SH3PXD2A: variants seen among roughly 807,000 people sequenced by gnomAD.
SH3PXD2A encodes the protein SH3 and PX domain-containing protein 2A.
In SH3PXD2A, 32 loss-of-function variants were observed where a neutral mutation model predicts 115.2. The ratio of observed to expected loss-of-function variants is 0.28; its 90% confidence interval spans 0.21 to 0.37. SH3PXD2A has a LOEUF of 0.37. Among genes scored for constraint, SH3PXD2A ranks in the 10% least tolerant of loss-of-function variants. SH3PXD2A has a pLI of 1.00. For missense variants in SH3PXD2A, 1,328 were observed against 1,498.7 expected (o/e 0.89, Z 1.88); for synonymous variants, 610 against 629.1 (o/e 0.97, Z 0.45).
At chr10:103,663,970 G>A (rs1367699950) in intron 7 of SH3PXD2A, among the ~76,000 whole-genome samples, 14 of 152,188 alleles carry the variant, frequency 9.2e-5, no homozygotes, top group Non-Finnish European at 2.9e-5. Context: ...ACCAACAGCC[G>A]GGCAGTAGGG....
chr10:103,606,973 G>C (rs1447486976), intron 13 of SH3PXD2A, among the ~76,000 whole-genome samples: 5 of 151,810 alleles, frequency 3.3e-5, no homozygotes, highest in African/African-American at 1.2e-4. Flanking sequence ...GGGATGTGAG[G>C]AGCCCCTCTG....
At chr10:103,743,390 C>T (rs2038465111) in intron 3 of SH3PXD2A, among the ~76,000 whole-genome samples, 1 of 152,200 alleles carries the variant, frequency 6.6e-6, no homozygotes, top group Non-Finnish European at 1.5e-5. Flanking sequence ...CAGACTGGGA[C>T]TCTTTTTTTG....
At chr10:103,684,558 T>C (rs1472954833) in intron 6 of SH3PXD2A, among the ~76,000 whole-genome samples, 1 of 151,784 alleles carries the variant, frequency 6.6e-6, no homozygotes, top group Admixed American at 6.6e-5. Context: ...CGAGGTTTCA[T>C]CATGTCGGTC....
At chr10:103,783,883 G>A (rs549860650) in intron 2 of SH3PXD2A, among the ~76,000 whole-genome samples, 11 of 152,342 alleles carry the variant, frequency 7.2e-5, no homozygotes, top group African/African-American at 2.6e-4. Context: ...GCAGTGAGGC[G>A]AGCCGCCCGG....
chr10:103,601,593 C>T lies in SH3PXD2A; in HGVS notation c.*223G>A, dbSNP rs2036214867. ...GGTCCCAGGCCTGGGACTCCCTGGT[C>T]CATTCCCTTCCTCACTCAGTGTGGG... On this transcript the variant is annotated 3_prime_UTR_variant, in exon 15 of 15. Coordinates refer to ENST00000369774, the MANE Select transcript of SH3PXD2A (RefSeq NM_001394015.1). 1 of 488,872 alleles carries T rather than the reference C, an allele frequency of 2.0e-6. No individual in the cohort carries two copies. The highest frequency in any genetic ancestry group is 3.6e-6 in the Non-Finnish European group (1 of 274,214). 30.3% of individuals were successfully genotyped at this position (488,872 alleles called of 1,614,324 possible). A position where few individuals can be genotyped will look rare whatever the true frequency, so the allele number is the denominator to read the frequency against.
chr10:103,833,469 A>ATATATTTATATCTATATATT (rs2134306702), intron 1 of SH3PXD2A, among the ~76,000 whole-genome samples: 2 of 151,434 alleles, frequency 1.3e-5, no homozygotes, highest in East Asian at 3.9e-4. Flanking sequence ...ACATATATAT[A>ATATATTTATATCTATATATT]TATATTTATA....
intron 7 of SH3PXD2A, among the ~76,000 whole-genome samples, chr10:103,668,384 C>G (rs74154584): frequency 6.6e-6 from 1 of 152,264 alleles, no homozygotes; most frequent in African/African-American, 2.4e-5. Flanking sequence ...CCAGAGCACA[C>G]GTGCTTACAC....
intron 3 of SH3PXD2A, among the ~76,000 whole-genome samples, chr10:103,763,409 C>T (rs56178332): frequency 6.6e-6 from 1 of 152,186 alleles, no homozygotes; most frequent in Non-Finnish European, 1.5e-5. Context: ...TCTGCTTCCA[C>T]CCCTTGGGAT....
intron 3 of SH3PXD2A, among the ~76,000 whole-genome samples, chr10:103,752,931 G>A (rs975143619): frequency 1.3e-5 from 2 of 152,112 alleles, no homozygotes; most frequent in South Asian, 4.1e-4. Context: ...TAAGTGAAAG[G>A]TGACTGAGAA....
intron 7 of SH3PXD2A, chr10:103,661,587 A>G (rs1771542549): frequency 5.5e-6 from 5 of 914,408 alleles, no homozygotes; most frequent in Non-Finnish European, 6.5e-6. Context: ...GCCAGAGGCA[A>G]AGGAAAGGCA....
intron 8 of SH3PXD2A, among the ~76,000 whole-genome samples, chr10:103,639,473 G>A (rs1401044457): frequency 1.3e-5 from 2 of 152,088 alleles, no homozygotes; most frequent in African/African-American, 4.8e-5. Flanking sequence ...AGCTGGGCAT[G>A]GTGGCGTGTG....
In SH3PXD2A at chr10:103,594,551, A is replaced by G. The variant is rs1218367892; in HGVS notation, c.*7265T>C. 6.6e-6 allele frequency: 1 copy of G among 152,254 alleles called. No individual in the cohort carries two copies. Among genetic ancestry groups the G allele is most frequent in the Admixed American group, 6.5e-5 (1 of 15,276 alleles). The allele number at this position is 152,254 out of a possible 1,614,324, so 9.4% of individuals were successfully genotyped here. On this transcript the variant is annotated 3_prime_UTR_variant, in exon 15 of 15. Transcript: ENST00000369774. The stretch of plus-strand genomic sequence containing the variant: ...CAGTCCACATGCTCACGCTTCAGGG[A>G]TTACTGAAGTCTGCCTTGCCCGGGA...
At chr10:103,708,503 A>G (rs2038008517) in intron 5 of SH3PXD2A, among the ~76,000 whole-genome samples, 1 of 152,116 alleles carries the variant, frequency 6.6e-6, no homozygotes, top group African/African-American at 2.4e-5. Context: ...ATGTCTGGGG[A>G]TGGCCTGGAG....
Position 103,601,935 on chromosome 10 carries a change from C to T in SH3PXD2A, c.3283G>A (p.Gly1095Arg). ...CTCTCCAGAACCTCCATGGACACCC[C>T]CTCCTGGAAGCCTGCTGTCTCCTCA... ...GDEETAGFQE[G>R]VSMEVLERNP... is the part of the protein sequence containing the mutation. The change falls in exon 15 of 15, where the codon GGG becomes AGG. Residue 1095 changes from glycine to arginine, a missense_variant. By Grantham distance (125) the Gly-to-Arg change is moderately radical. Coordinates refer to ENST00000369774, the MANE Select transcript of SH3PXD2A (RefSeq NM_001394015.1). 6.2e-7 allele frequency: 1 copy of T among 1,614,096 alleles called. No homozygotes were observed. Among genetic ancestry groups the T allele is most frequent in the South Asian group, 1.1e-5 (1 of 91,078 alleles).
At chr10:103,657,321 C>G (rs2037226423) in intron 8 of SH3PXD2A, among the ~76,000 whole-genome samples, 1 of 152,164 alleles carries the variant, frequency 6.6e-6, no homozygotes, top group South Asian at 2.1e-4. Flanking sequence ...GCTCAACACA[C>G]AAATCAGAGT....
chr10:103,714,882 A>C (rs969291164), intron 5 of SH3PXD2A, among the ~76,000 whole-genome samples: 1 of 152,200 alleles, frequency 6.6e-6, no homozygotes, highest in African/African-American at 2.4e-5. Context: ...GCAGCCAGGC[A>C]TGTGTGGGTG....
chr10:103,741,870 C>T (rs2134192433), intron 3 of SH3PXD2A, among the ~76,000 whole-genome samples: 1 of 152,336 alleles, frequency 6.6e-6, no homozygotes, highest in South Asian at 2.1e-4. Context: ...TTTGGCAGAC[C>T]ATGGTGGCTC....
intron 1 of SH3PXD2A, among the ~76,000 whole-genome samples, chr10:103,824,176 G>A (rs2039407480): frequency 1.3e-5 from 2 of 152,174 alleles, no homozygotes; most frequent in African/African-American, 4.8e-5. Flanking sequence ...ACCTCCAGGT[G>A]GCCCCAAGGG....
In SH3PXD2A at chr10:103,670,672, A is replaced by C. The variant is rs10430627; in HGVS notation, c.428-2020T>G. Among the ~76,000 whole-genome samples, 3 of 152,272 alleles carry C rather than the reference A, an allele frequency of 2.0e-5. No individual in the cohort carries two copies. The East Asian group carries it at 5.8e-4, about 29-fold the overall frequency. ...ATGGAAGGTAGAGGGACTCCAGGGG[A>C]CCTCACCCAGAGACAAACAGGGCAA... On this transcript the variant is annotated intron_variant, in intron 6 of 14. Transcript: ENST00000369774.
Sources: allele counts gnomAD v4.1 joint callset (sites outside exome capture counted in the v4.1 genomes callset), GRCh38; gene constraint gnomAD v4.1.1; transcripts MANE v1.5; gene names NCBI Gene and HGNC (gene_info 2026-07-23, HGNC 2026-07-21).